MYO1A: variants seen among roughly 807,000 people sequenced by gnomAD.
MYO1A encodes myosin IA.
MYO1A carries 127 observed loss-of-function variants against 138.5 expected under a neutral mutation model. The ratio of observed to expected loss-of-function variants is 0.92; its 90% confidence interval spans 0.79 to 1.06. The LOEUF (loss-of-function observed/expected upper bound fraction) is 1.06. MYO1A is among the 50% of genes least tolerant of loss of function. The pLI, the probability that MYO1A is intolerant of heterozygous loss-of-function variation, is 0.00. For synonymous variants in MYO1A, 477 were observed against 497.5 expected, an observed-to-expected ratio of 0.96 and a Z score of 0.55; for missense variants, 1,211 against 1,288.8, an observed-to-expected ratio of 0.94 and a Z score of 0.92.
rs1461997553 is a variant in MYO1A, at chr12:57,028,869, C to A, written c.3018G>T (p.Arg1006Ser). Residue 1006 changes from arginine to serine, a missense_variant, in exon 28 of 28, where the codon AGG (arginine) becomes AGT (serine). Arg to Ser is a moderately radical substitution (Grantham distance 110). Transcript: ENST00000300119. Reference protein sequence around the residue: ...TVTVTEKFSVRFKENSVAVKV... With the variant: ...TVTVTEKFSVSFKENSVAVKV... ...TGACAGCCACACTGTTCTCCTTGAA[C>A]CTCACTGAGAACCTGGAGAGGGAAC... The A allele has an allele frequency of 6.2e-7, 1 of 1,613,928 alleles. No individual in the cohort carries two copies. The highest frequency in any genetic ancestry group is 1.3e-5 in the African/African-American group (1 of 74,884).
chr12:57,036,040 A>G (rs909106674), intron 22 of MYO1A, among the ~76,000 whole-genome samples: 2 of 152,256 alleles, frequency 1.3e-5, no homozygotes, highest in Non-Finnish European at 2.9e-5. Flanking sequence ...ACCATAGACC[A>G]GATGGTGGGT....
intron 3 of MYO1A, 43 bp downstream of exon 3, chr12:57,047,946 G>C: frequency 6.3e-7 from 1 of 1,593,654 alleles, no homozygotes; most frequent in East Asian, 2.2e-5. Flanking sequence ...TCAGTGTCAA[G>C]AAGCTGGGGC....
In MYO1A at chr12:57,043,889, C is replaced by T. The variant is rs2030975009; in HGVS notation, c.859G>A (p.Gly287Arg). 1 of 1,614,136 alleles carries T rather than the reference C, an allele frequency of 6.2e-7. No homozygotes were observed. The highest frequency in any genetic ancestry group is 8.5e-7 in the Non-Finnish European group (1 of 1,180,010). ...VLVADEFQAS[G>R]IPASGIRDGR... ...TCACGGATGCCACTTGCTGGTATCC[C>T]ACTGGCCTGGAACTCATCAGCCACC... is the stretch of plus-strand genomic sequence containing the variant. Residue 287 changes from glycine to arginine, a missense_variant, in exon 10 of 28, where the codon GGG becomes AGG. Physicochemically the swap from Gly to Arg is moderately radical, Grantham distance 125. Transcript: ENST00000300119.
At position 57,041,442 on chromosome 12, in the gene MYO1A, T is replaced by C; in HGVS notation, c.1154A>G (p.Glu385Gly). 6.2e-7 allele frequency: 1 copy of C among 1,613,466 alleles called. No homozygotes were observed. Among genetic ancestry groups the C allele is most frequent in the Non-Finnish European group, 8.5e-7 (1 of 1,179,534 alleles). The change falls in exon 13 of 28, where the codon GAG becomes GGG. Residue 385 changes from glutamate to glycine, a missense_variant. Coordinates refer to ENST00000300119, the MANE Select transcript of MYO1A (RefSeq NM_005379.4). ...VMGVLDIYGF[E>G]ILEDNSFEQF... ...GTGAGGCACTCTCACCTCTAATATC[T>C]CAAAACCGTAGATATCAAGGACTCC...
Position 57,041,268 on chromosome 12 carries a change from A to G in MYO1A, c.1185T>C (p.Phe395=), listed in dbSNP as rs17546153. The G allele has an allele frequency of 0.036, 58,879 of 1,613,914 alleles. 1,315 individuals carry two copies. Among genetic ancestry groups the G allele is most frequent in the Middle Eastern group, 0.079 (475 of 6,032 alleles). The part of the protein sequence containing the change: ...EILEDNSFEQ[F]VINYCNEKLQ... ...GCTTCTCATTGCAGTAGTTGATCAC[A>G]AATTGCTCAAAGCTATTATCCTGAG... The change falls in exon 14 of 28, where the codon TTT becomes TTC. Residue 395 remains phenylalanine, a synonymous_variant. Coordinates refer to ENST00000300119, the MANE Select transcript of MYO1A (RefSeq NM_005379.4).
intron 23 of MYO1A, 47 bp downstream of exon 23, chr12:57,030,993 G>A: frequency 3.1e-6 from 5 of 1,606,022 alleles, no homozygotes; most frequent in African/African-American, 1.3e-5. Flanking sequence ...TCAGGGGGAG[G>A]GAAAAAAAAG....
rs767661091 is a variant in MYO1A at position 57,036,362 on chromosome 12, T to G, written c.2294A>C (p.Lys765Thr). Residue 765 changes from lysine (K) to threonine (T), a missense_variant, in exon 22 of 28, where the codon AAA becomes ACA. Coordinates refer to ENST00000300119, the MANE Select transcript of MYO1A (RefSeq NM_005379.4). Reference sequence around the variant, plus strand: ...GAGGGCAGCCTCTGACCGGAAATATTTGCGATAATTCTTTCGGGCCTGGCA... The same window carrying G: ...GAGGGCAGCCTCTGACCGGAAATATGTGCGATAATTCTTTCGGGCCTGGCA... ...RGWKARKNYR[K>T]YFRSEAALTL... 6.8e-6 allele frequency: 11 copies of G among 1,613,874 alleles called. No individual in the cohort carries two copies. Among genetic ancestry groups the G allele is most frequent in the Middle Eastern group, 1.7e-4 (1 of 6,056 alleles).
chr12:57,033,259 C>G (rs932000284), intron 22 of MYO1A, among the ~76,000 whole-genome samples: 1 of 152,208 alleles, frequency 6.6e-6, no homozygotes, highest in African/African-American at 2.4e-5. Flanking sequence ...TCCTTTGAAG[C>G]TTTATTTTTC....
chr12:57,046,982 C>T, intron 6 of MYO1A, 56 bp from the exon 7 acceptor site: 4 of 1,610,590 alleles, frequency 2.5e-6, no homozygotes, highest in Non-Finnish European at 2.5e-6. Flanking sequence ...CACCACCCTG[C>T]CTGGAAGGGG....
At position 57,043,935 on chromosome 12, in the gene MYO1A, C is replaced by T; in HGVS notation, c.813G>A (p.Val271=). Residue 271 remains valine, a synonymous_variant, in exon 10 of 28, where the codon GTG becomes GTA. Coordinates refer to ENST00000300119, the MANE Select transcript of MYO1A (RefSeq NM_005379.4). ...IRQVLEVTSM[V]LKLGNVLVAD... The stretch of plus-strand genomic sequence containing the variant: ...CCACCAACACGTTCCCCAGCTTTAG[C>T]ACCATGGATGTCACCTCTAGCACTT... 2 of 1,614,190 alleles carry T rather than the reference C, an allele frequency of 1.2e-6. No homozygotes were observed. Among genetic ancestry groups the T allele is most frequent in the Non-Finnish European group, 1.7e-6 (2 of 1,180,026 alleles).
In MYO1A at chr12:57,043,313, ACTT is replaced by A. The variant is rs747939115; in HGVS notation, c.935_937del (p.Glu312del). 1.1e-5 allele frequency: 18 copies of A among 1,614,074 alleles called. No homozygotes were observed. The highest frequency in any genetic ancestry group is 1.1e-4 in the East Asian group (5 of 44,890). ...GGTCCTCGAGCACAAAGCTCTCTCTACTTCTTCTGAATTCAAGCCCACCATCTC... is the reference window on the plus strand; with the variant it reads ...GGTCCTCGAGCACAAAGCTCTCTCTACTTCTGAATTCAAGCCCACCATCTC... On this transcript the variant is annotated inframe_deletion, in exon 11 of 28. Coordinates refer to ENST00000300119, the MANE Select transcript of MYO1A (RefSeq NM_005379.4).
intron 14 of MYO1A, among the ~76,000 whole-genome samples, chr12:57,040,489 A>G (rs1184164630): frequency 6.6e-6 from 1 of 152,202 alleles, no homozygotes; most frequent in African/African-American, 2.4e-5. Flanking sequence ...AAGCTTTTTG[A>G]ATTTTGAAGC....
chr12:57,047,480 A>T, intron 4 of MYO1A, 73 bp from the exon 5 acceptor site: 3 of 1,527,766 alleles, frequency 2.0e-6, no homozygotes, highest in Non-Finnish European at 2.7e-6. Context: ...AACTTGCTTC[A>T]CCCCAGTGCC....
At chr12:57,038,251 C>G (rs777879803) in intron 17 of MYO1A, among the ~76,000 whole-genome samples, 161 bp downstream of exon 17, 71 of 152,368 alleles carry the variant, frequency 4.7e-4, no homozygotes, top group Middle Eastern at 6.8e-3. Context: ...ATGCTCTCCC[C>G]CTGTGGGACT....
rs753452042 is a variant in MYO1A, at chr12:57,047,428, C to T, written c.326-21G>A. Reference sequence around the variant, plus strand: ...GGCCTCTGTGCAGGCAAAACGCTCTCATGGGTCCCCACCCAGGACTAGCCC... The same window carrying T: ...GGCCTCTGTGCAGGCAAAACGCTCTTATGGGTCCCCACCCAGGACTAGCCC... On this transcript the variant is annotated intron_variant, in intron 4 of 27. Transcript: ENST00000300119. 7 of 1,609,372 alleles carry T rather than the reference C, an allele frequency of 4.3e-6. No individual in the cohort carries two copies. The South Asian group carries it at 6.6e-5, about 15-fold the overall frequency.
In MYO1A at chr12:57,030,216, G is replaced by C; in HGVS notation, c.2585C>G (p.Pro862Arg). ...ELFKGKKASY[P>R]QSVPIPFCGD... ...GGGTCTGGGAGGCCCTCACCTCTGG[G>C]GATATGAAGCCTTCTTGCCCTTGAA... The change falls in exon 24 of 28, where the codon CCC (proline) becomes CGC (arginine). Residue 862 changes from proline (P) to arginine (R), a missense_variant. Physicochemically the swap from Pro to Arg is moderately radical, Grantham distance 103. Transcript: ENST00000300119. 1 of 1,613,828 alleles carries C rather than the reference G, an allele frequency of 6.2e-7. No homozygotes were observed. Among genetic ancestry groups the C allele is most frequent in the Non-Finnish European group, 8.5e-7 (1 of 1,179,716 alleles).
Position 57,031,767 on chromosome 12 carries a change from G to A in MYO1A, c.2350-593C>T, listed in dbSNP as rs1364843978. 4.7e-4 allele frequency among the ~76,000 whole-genome samples: 71 copies of A among 152,214 alleles called. 1 individual carries two copies. Among genetic ancestry groups the A allele is most frequent in the Admixed American group, 4.6e-3 (71 of 15,282 alleles). Reference sequence around the variant, plus strand: ...ACAAAGAGAGGCTGTAAGCAAATGTGTCTCATGTCTGAATGAGCAATAGTC... The same window carrying A: ...ACAAAGAGAGGCTGTAAGCAAATGTATCTCATGTCTGAATGAGCAATAGTC... On this transcript the variant is annotated intron_variant, in intron 22 of 27. Coordinates refer to ENST00000300119, the MANE Select transcript of MYO1A (RefSeq NM_005379.4).
At chr12:57,047,841 T>C in intron 3 of MYO1A, 120 bp from the exon 4 acceptor site, 2 of 1,562,268 alleles carry the variant, frequency 1.3e-6, no homozygotes, top group South Asian at 2.3e-5. Flanking sequence ...GGGCAAGATG[T>C]GACAGGCCTT....
chr12:57,036,268 G>T (rs551714345), intron 22 of MYO1A, 39 bp downstream of exon 22: 7 of 1,596,130 alleles, frequency 4.4e-6, no homozygotes, highest in Non-Finnish European at 6.0e-6. Flanking sequence ...GTGCCTCCCT[G>T]CTCCATCCCT....
Sources: allele counts gnomAD v4.1 joint callset (sites outside exome capture counted in the v4.1 genomes callset), GRCh38; gene constraint gnomAD v4.1.1; transcripts MANE v1.5; gene names NCBI Gene and HGNC (gene_info 2026-07-23, HGNC 2026-07-21).